Variants in TCAF1 observed in about 807,000 individuals in gnomAD.
The protein encoded by TCAF1 is TRPM8 channel associated factor 1, also known as TRPM8 channel-associated factor 1.
A neutral mutation model predicts 27.3 loss-of-function variants in TCAF1; 4 were observed. That is an observed-to-expected ratio of 0.15 (90% confidence interval 0.07 to 0.34). The LOEUF (loss-of-function observed/expected upper bound fraction) is 0.34, where lower values mean the gene tolerates loss of function less well. TCAF1 is among the 10% of genes least tolerant of loss of function. TCAF1 has a pLI of 1.00. For synonymous variants in TCAF1, 105 were observed against 167.1 expected (o/e 0.63, Z 2.87); for missense variants, 257 against 425.8 (o/e 0.60, Z 3.49).
chr7:143,900,060 A>AAAAC (rs35997443), intron 1 of TCAF1, among the ~76,000 whole-genome samples: 2 of 151,842 alleles, frequency 1.3e-5, no homozygotes, highest in East Asian at 3.9e-4. Flanking sequence ...ACACTTTGGA[A>AAAAC]AGTTTAGAAA....
chr7:143,885,937 A>G (rs1813380385), intron 1 of TCAF1, among the ~76,000 whole-genome samples: 1 of 152,248 alleles, frequency 6.6e-6, no homozygotes, highest in South Asian at 2.1e-4. Flanking sequence ...AATCAACTAA[A>G]AAACTACATA....
At chr7:143,897,088 A>G (rs1813899205) in intron 1 of TCAF1, among the ~76,000 whole-genome samples, 2 of 145,912 alleles carry the variant, frequency 1.4e-5, no homozygotes. Context: ...ATTTATAAAC[A>G]GAATGAGAGG....
chr7:143,882,863 A>C, intron 1 of TCAF1: 3 of 985,578 alleles, frequency 3.0e-6, no homozygotes, highest in Non-Finnish European at 3.6e-6. Flanking sequence ...GGGAGCGGGG[A>C]GGAGGCTGGA....
chr7:143,876,712 A>T, intron 1 of TCAF1, 90 bp from the exon 2 acceptor site: 1 of 1,046,604 alleles, frequency 9.6e-7, no homozygotes. Flanking sequence ...TAGCTGGGCT[A>T]TTCTTCCCAC....
At chr7:143,883,440 A>G (rs1316540584) in intron 1 of TCAF1, among the ~76,000 whole-genome samples, 1 of 151,226 alleles carries the variant, frequency 6.6e-6, no homozygotes, top group African/African-American at 2.4e-5. Flanking sequence ...TTCAAACAAT[A>G]GTTAACCAAA....
At chr7:143,896,531 G>A (rs1219939244) in intron 1 of TCAF1, among the ~76,000 whole-genome samples, 2 of 151,928 alleles carry the variant, frequency 1.3e-5, no homozygotes, top group Admixed American at 6.6e-5. Context: ...TTCTTTTTAC[G>A]CACACAAAGA....
intron 1 of TCAF1, among the ~76,000 whole-genome samples, chr7:143,894,229 T>C (rs554553835): frequency 2.0e-4 from 31 of 151,900 alleles, no homozygotes; most frequent in Non-Finnish European, 3.5e-4. Flanking sequence ...ATCAAAAACA[T>C]TCTGCAAAAA....
chr7:143,875,649 C>T (rs1812654564), intron 2 of TCAF1, among the ~76,000 whole-genome samples: 1 of 152,178 alleles, frequency 6.6e-6, no homozygotes, highest in Admixed American at 6.5e-5. Context: ...CTTTTCTTCA[C>T]ATTCCTGTTG....
At chr7:143,900,226 A>G (rs1814054727) in intron 1 of TCAF1, among the ~76,000 whole-genome samples, 1 of 152,200 alleles carries the variant, frequency 6.6e-6, no homozygotes, top group Non-Finnish European at 1.5e-5. Flanking sequence ...CCAGGTGTTC[A>G]TGTCCTTGTG....
rs1396154968 is a variant in TCAF1, at chr7:143,860,046, T to A, written c.2167+162A>T. Among the ~76,000 whole-genome samples the A allele has an allele frequency of 4.8e-3, 305 of 64,206 alleles. 42 individuals carry two copies. Among genetic ancestry groups the A allele is most frequent in the African/African-American group, 0.013 (161 of 12,596 alleles). The allele number at this position is 64,206 out of a possible 152,430, so 42.1% of individuals were successfully genotyped here. On this transcript the variant is annotated intron_variant, in intron 6 of 8. Transcript: ENST00000479870. Reference sequence around the variant, plus strand: ...TATATATTATATATATAATATATAATATATATTATATATATTTCCTTCCCA... The same window carrying A: ...TATATATTATATATATAATATATAAAATATATTATATATATTTCCTTCCCA...
intron 1 of TCAF1, among the ~76,000 whole-genome samples, chr7:143,888,009 G>A (rs561991206): frequency 6.6e-6 from 1 of 152,236 alleles, no homozygotes; most frequent in South Asian, 2.1e-4. Context: ...AATTAATTTA[G>A]GTGCTGGCCC....
chr7:143,857,543 T>C (rs1446522776), intron 7 of TCAF1, among the ~76,000 whole-genome samples, 193 bp from the exon 8 acceptor site: 2 of 152,310 alleles, frequency 1.3e-5, no homozygotes, highest in Non-Finnish European at 2.9e-5. Flanking sequence ...AGGAAGGGCC[T>C]TGGGACCAGC....
rs766445064 is a variant in TCAF1, at chr7:143,876,279, C to T, written c.330G>A (p.Val110=). The part of the protein sequence containing the change: ...PLAKILEGSG[V]DAKVEPEVKD... ...TCACTTCTGGCTCAACCTTTGCATC[C>T]ACTCCAGAGCCCTCGAGGATTTTGG... Residue 110 remains valine (V), a synonymous_variant, in exon 2 of 9, where the codon GTG becomes GTA. Coordinates refer to ENST00000479870, the MANE Select transcript of TCAF1 (RefSeq NM_014719.3). The T allele has an allele frequency of 3.1e-6, 5 of 1,614,062 alleles. No individual in the cohort carries two copies. In the African/African-American group the frequency reaches 6.7e-5, roughly 22 times the overall value.
At chr7:143,879,532 T>C (rs1812903528) in intron 1 of TCAF1, among the ~76,000 whole-genome samples, 1 of 152,184 alleles carries the variant, frequency 6.6e-6, no homozygotes, top group East Asian at 1.9e-4. Context: ...GCTTCAAAGG[T>C]GTGCCTATCT....
chr7:143,859,884 T>TAC (rs1563210822), intron 6 of TCAF1, among the ~76,000 whole-genome samples: 9 of 80,146 alleles, frequency 1.1e-4, no homozygotes, highest in African/African-American at 5.1e-4. Flanking sequence ...TATATACATA[T>TAC]ATATAATATA....
chr7:143,894,740 GTTC>G (rs912016199), intron 1 of TCAF1, among the ~76,000 whole-genome samples: 6 of 151,380 alleles, frequency 4.0e-5, no homozygotes, highest in African/African-American at 7.3e-5. Context: ...AAATAAAGAG[GTTC>G]TTTTTATTAA....
chr7:143,877,303 C>T (rs1468305392), intron 1 of TCAF1, among the ~76,000 whole-genome samples: 3 of 152,204 alleles, frequency 2.0e-5, no homozygotes, highest in Admixed American at 6.5e-5. Context: ...GGAATTCATA[C>T]AGTGGTGCGG....
chr7:143,882,908 C>T (rs1813154268), intron 1 of TCAF1: 3 of 976,116 alleles, frequency 3.1e-6, no homozygotes, highest in Middle Eastern at 5.2e-4. Context: ...CGGGAGTCCC[C>T]TCCTCCCCAC....
chr7:143,897,790 A>C (rs1177967867), intron 1 of TCAF1, among the ~76,000 whole-genome samples: 1 of 152,154 alleles, frequency 6.6e-6, no homozygotes, highest in African/African-American at 2.4e-5. Flanking sequence ...TGATTCAAGG[A>C]AATATTCAAG....
Sources: allele counts gnomAD v4.1 joint callset (sites outside exome capture counted in the v4.1 genomes callset), GRCh38; gene constraint gnomAD v4.1.1; transcripts MANE v1.5; gene names NCBI Gene and HGNC (gene_info 2026-07-23, HGNC 2026-07-21).